Variants in ATP8A2 observed in about 807,000 individuals in gnomAD.
ATP8A2 encodes ATPase phospholipid transporting 8A2, also known as phospholipid-transporting ATPase IB.
ATP8A2 carries 100 observed loss-of-function variants against 165.6 expected under a neutral mutation model. The ratio of observed to expected loss-of-function variants is 0.60; its 90% CI spans 0.51 to 0.71. The LOEUF is 0.71. Among genes scored for constraint, ATP8A2 ranks in the 30% least tolerant of loss-of-function variants. The pLI is 0.00. For synonymous variants in ATP8A2, 543 were observed against 548.8 expected, an observed-to-expected ratio of 0.99 and a Z score of 0.15; for missense variants, 1,227 against 1,479.5, an observed-to-expected ratio of 0.83 and a Z score of 2.80.
At chr13:25,917,429 T>C (rs977935048) in intron 33 of ATP8A2, among the ~76,000 whole-genome samples, 1 of 152,266 alleles carries the variant, frequency 6.6e-6, no homozygotes, top group East Asian at 1.9e-4. Context: ...GTAGTTGTTT[T>C]GCATTGATTA....
intron 35 of ATP8A2, among the ~76,000 whole-genome samples, chr13:25,999,913 C>A (rs187872539): frequency 8.1e-4 from 123 of 152,126 alleles, no homozygotes; most frequent in African/African-American, 2.7e-3. Context: ...GCTGGAAAAC[C>A]GATTTTGTTT....
intron 24 of ATP8A2, among the ~76,000 whole-genome samples, chr13:25,602,999 G>C (rs981962023): frequency 2.6e-5 from 4 of 152,144 alleles, no homozygotes; most frequent in African/African-American, 9.7e-5. Context: ...TTGAACATGG[G>C]AGGTGAAGGT....
chr13:25,538,691 A>G (rs2038366074), intron 7 of ATP8A2, among the ~76,000 whole-genome samples: 1 of 152,200 alleles, frequency 6.6e-6, no homozygotes, highest in South Asian at 2.1e-4. Flanking sequence ...GCAAGAATTG[A>G]CATCTATTCT....
In ATP8A2 at chr13:26,019,752, C is replaced by G. The variant is rs180741894; in HGVS notation, c.3470-136C>G. Reference sequence around the variant, plus strand: ...GGCCACAGGTTTCTTCATCTCAAGCCTCCACCTATCCAAGGCTAAGGAGGC... The same window carrying G: ...GGCCACAGGTTTCTTCATCTCAAGCGTCCACCTATCCAAGGCTAAGGAGGC... On this transcript the variant is annotated intron_variant, in intron 36 of 36. Transcript: ENST00000381655. 7.2e-3 allele frequency: 4,469 copies of G among 621,622 alleles called. 43 individuals are homozygous for G. Among genetic ancestry groups the G allele is most frequent in the Middle Eastern group, 0.025 (93 of 3,650 alleles). 38.5% of individuals were successfully genotyped at this position (621,622 alleles called of 1,614,324 possible). A position where few individuals can be genotyped will look rare whatever the true frequency, so the allele number is the denominator to read the frequency against.
At chr13:25,668,707 T>C (rs2042205483) in intron 24 of ATP8A2, among the ~76,000 whole-genome samples, 1 of 152,170 alleles carries the variant, frequency 6.6e-6, no homozygotes, top group Admixed American at 6.5e-5. Flanking sequence ...AAGGCTCTGC[T>C]TATTTTTCTT....
intron 2 of ATP8A2, among the ~76,000 whole-genome samples, chr13:25,474,549 C>A (rs1412951550): frequency 6.7e-6 from 1 of 148,216 alleles, no homozygotes; most frequent in Non-Finnish European, 1.5e-5. Flanking sequence ...GCGACAGAGC[C>A]AGACTCTGTC....
intron 2 of ATP8A2, among the ~76,000 whole-genome samples, chr13:25,474,637 G>A (rs1301965010): frequency 6.6e-6 from 1 of 151,664 alleles, no homozygotes; most frequent in Non-Finnish European, 1.5e-5. Flanking sequence ...GGTTGGTACA[G>A]TATCATTGTT....
chr13:25,834,967 A>T (rs1951567841), intron 28 of ATP8A2, among the ~76,000 whole-genome samples: 1 of 142,062 alleles, frequency 7.0e-6, no homozygotes, highest in East Asian at 2.2e-4. Context: ...TTTATGAAAC[A>T]AATTATGATC....
At chr13:25,513,483 C>T (rs939139422) in intron 2 of ATP8A2, among the ~76,000 whole-genome samples, 1 of 151,172 alleles carries the variant, frequency 6.6e-6, no homozygotes, top group Admixed American at 6.6e-5. Flanking sequence ...ACTGGGCAGC[C>T]AGGCAGAGGG....
At chr13:25,880,789 G>A in intron 33 of ATP8A2, 1 of 403,596 alleles carries the variant, frequency 2.5e-6, no homozygotes, top group South Asian at 1.9e-5. Context: ...CTTTTCAACA[G>A]AAGCAGCCAA....
At chr13:25,806,920 G>A (rs764864492) in intron 27 of ATP8A2, among the ~76,000 whole-genome samples, 4 of 152,106 alleles carry the variant, frequency 2.6e-5, no homozygotes, top group Non-Finnish European at 2.9e-5. Flanking sequence ...CCATTTCCAT[G>A]ATGAGTAAGG....
chr13:25,538,042 G>C lies in ATP8A2; in HGVS notation c.562G>C (p.Val188Leu). The change falls in exon 7 of 37, where the codon GTG becomes CTG. Residue 188 changes from valine (V) to leucine (L), a missense_variant. By Grantham distance (32) the Val-to-Leu change is conservative. This residue lies in a region of ATP8A2 where 356 missense variants were observed against 394.9 expected (regional missense o/e 0.90). Coordinates refer to ENST00000381655, the MANE Select transcript of ATP8A2 (RefSeq NM_016529.6). ...VVNGQYLPAD[V>L]VLLSSSEPQA... ...CAATGGGCAGTATCTTCCAGCAGAT[G>C]TGGTCCTGCTGTCATCCAGGTTAGC... The C allele has an allele frequency of 6.2e-7, 1 of 1,613,872 alleles. No individual in the cohort carries two copies. The highest frequency in any genetic ancestry group is 8.5e-7 in the Non-Finnish European group (1 of 1,179,792).
Position 25,640,087 on chromosome 13 carries a change from G to A in ATP8A2, c.2211+50388G>A, listed in dbSNP as rs569164160. Among the ~76,000 whole-genome samples, 168 of 152,326 alleles carry A rather than the reference G, an allele frequency of 1.1e-3. 2 individuals are homozygous for A. The highest frequency in any genetic ancestry group is 3.8e-3 in the African/African-American group (160 of 41,578). On this transcript the variant is annotated intron_variant, in intron 24 of 36. Transcript: ENST00000381655. ...AAAGACAAAACATACCAGAATCTCT[G>A]AGACACATTTAAAGCAGTGTGTAGA...
At chr13:25,902,939 GCACACACACACACACACA>G (rs3221410) in intron 33 of ATP8A2, among the ~76,000 whole-genome samples, 1 of 140,440 alleles carries the variant, frequency 7.1e-6, no homozygotes, top group Non-Finnish European at 1.5e-5. Context: ...TCCTCAGCAT[GCACACACACACACACACA>G]CACACACACA....
intron 27 of ATP8A2, among the ~76,000 whole-genome samples, chr13:25,783,838 A>G (rs1593340331): frequency 6.6e-6 from 1 of 152,248 alleles, no homozygotes; most frequent in Non-Finnish European, 1.5e-5. Context: ...GCGGTTTTAT[A>G]TTTCAGTCGG....
chr13:25,570,611 C>A (rs571117333), intron 16 of ATP8A2, among the ~76,000 whole-genome samples, 156 bp from the exon 17 acceptor site: 10 of 152,088 alleles, frequency 6.6e-5, no homozygotes, highest in Non-Finnish European at 1.3e-4. Flanking sequence ...CAGACCAGAG[C>A]GGTAGGAGGG....
chr13:25,950,500 C>T (rs1955327006), intron 33 of ATP8A2, among the ~76,000 whole-genome samples: 1 of 152,200 alleles, frequency 6.6e-6, no homozygotes, highest in Non-Finnish European at 1.5e-5. Context: ...ACTCCCCCTC[C>T]TCACACCCTG....
intron 30 of ATP8A2, among the ~76,000 whole-genome samples, chr13:25,844,935 A>G (rs1292777767): frequency 1.3e-5 from 2 of 152,220 alleles, no homozygotes; most frequent in African/African-American, 4.8e-5. Flanking sequence ...TTGGGAAGAA[A>G]TATTTTGAGA....
At chr13:25,723,130 G>T (rs989982674) in intron 25 of ATP8A2, among the ~76,000 whole-genome samples, 2 of 152,340 alleles carry the variant, frequency 1.3e-5, no homozygotes, top group East Asian at 3.9e-4. Flanking sequence ...TACATATGAT[G>T]TGGCTACAAA....
Sources: allele counts gnomAD v4.1 joint callset (sites outside exome capture counted in the v4.1 genomes callset), GRCh38; gene constraint gnomAD v4.1.1; regional missense constraint gnomAD v4.1.1; transcripts MANE v1.5; gene names NCBI Gene and HGNC (gene_info 2026-07-23, HGNC 2026-07-21).